Variants in NELL1 observed in about 807,000 individuals in gnomAD.
The protein encoded by NELL1 is neural EGFL like 1.
NELL1 carries 76 observed loss-of-function variants against 107.4 expected under a neutral mutation model. That is an observed-to-expected ratio of 0.71 (90% CI 0.59 to 0.86). The LOEUF (loss-of-function observed/expected upper bound fraction) is 0.86, where lower values mean the gene tolerates loss of function less well. Ranked by LOEUF, NELL1 falls within the 40% of genes least tolerant of loss-of-function variation. NELL1 has a pLI of 0.00. For synonymous variants in NELL1, 353 were observed against 341.2 expected, an observed-to-expected ratio of 1.03 and a Z score of -0.38; for missense variants, 1,024 against 1,005.5, an observed-to-expected ratio of 1.02 and a Z score of -0.25.
intron 2 of NELL1, among the ~76,000 whole-genome samples, chr11:20,717,355 C>T (rs186165802): frequency 6.3e-4 from 96 of 152,288 alleles, no homozygotes; most frequent in African/African-American, 2.2e-3. Context: ...GTCATGCTGG[C>T]CACATTTTGG....
chr11:21,056,521 G>A (rs1011593226), intron 12 of NELL1, among the ~76,000 whole-genome samples: 1 of 152,122 alleles, frequency 6.6e-6, no homozygotes, highest in South Asian at 2.1e-4. Context: ...AAATTTCAGG[G>A]AACATTTTAG....
intron 16 of NELL1, among the ~76,000 whole-genome samples, chr11:21,553,615 C>T (rs1453690980): frequency 1.3e-5 from 2 of 151,698 alleles, no homozygotes; most frequent in East Asian, 2.0e-4. Flanking sequence ...AAAGAGAAGC[C>T]TGGGGCCATC....
At chr11:21,435,455 T>A (rs1207712872) in intron 15 of NELL1, among the ~76,000 whole-genome samples, 2 of 144,866 alleles carry the variant, frequency 1.4e-5, no homozygotes, top group Non-Finnish European at 3.0e-5. Flanking sequence ...GTTTTTTTTT[T>A]ACCATGAAGA....
intron 12 of NELL1, 99 bp from the exon 13 acceptor site, chr11:21,113,490 T>G (rs1375462192): frequency 4.0e-6 from 5 of 1,252,798 alleles, no homozygotes; most frequent in Non-Finnish European, 5.6e-6. Flanking sequence ...TTCTCTTGGC[T>G]TCTATGGACA....
intron 17 of NELL1, among the ~76,000 whole-genome samples, chr11:21,560,742 T>A (rs1351030500): frequency 6.6e-6 from 1 of 152,138 alleles, no homozygotes; most frequent in African/African-American, 2.4e-5. Flanking sequence ...TGATTAAAAC[T>A]ACTCTTTGCC....
intron 15 of NELL1, among the ~76,000 whole-genome samples, chr11:21,419,526 T>C (rs1048999161): frequency 2.0e-5 from 3 of 152,136 alleles, no homozygotes; most frequent in Admixed American, 1.3e-4. Flanking sequence ...ACAGCAACTG[T>C]TGTCATCAAC....
chr11:21,271,882 A>G (rs1185251517), intron 14 of NELL1, among the ~76,000 whole-genome samples: 1 of 152,236 alleles, frequency 6.6e-6, no homozygotes, highest in Non-Finnish European at 1.5e-5. Flanking sequence ...GAAAAATCAC[A>G]TGATCATAAC....
intron 12 of NELL1, among the ~76,000 whole-genome samples, chr11:20,980,284 T>C (rs1193537656): frequency 6.6e-6 from 1 of 152,134 alleles, no homozygotes; most frequent in Non-Finnish European, 1.5e-5. Flanking sequence ...TATTTAATGG[T>C]CATAGGGGAC....
intron 14 of NELL1, among the ~76,000 whole-genome samples, chr11:21,287,748 AT>A (rs1230656919): frequency 6.7e-6 from 1 of 150,036 alleles, no homozygotes; most frequent in Non-Finnish European, 1.5e-5. Context: ...CCCTCTTCCC[AT>A]TTTTTGCTGA....
intron 14 of NELL1, among the ~76,000 whole-genome samples, chr11:21,268,015 C>G (rs1199771371): frequency 1.3e-5 from 2 of 151,708 alleles, no homozygotes; most frequent in Non-Finnish European, 3.0e-5. Context: ...ATTTAGCCAT[C>G]CTTTGTCTTT....
At chr11:21,510,485 G>A (rs962954097) in intron 15 of NELL1, among the ~76,000 whole-genome samples, 2 of 152,174 alleles carry the variant, frequency 1.3e-5, no homozygotes, top group East Asian at 1.9e-4. Flanking sequence ...TGCATTCTCC[G>A]GTTGGGCTGA....
At chr11:21,363,545 C>T (rs1017166565) in intron 14 of NELL1, among the ~76,000 whole-genome samples, 12 of 152,232 alleles carry the variant, frequency 7.9e-5, no homozygotes, top group Admixed American at 2.0e-4. Flanking sequence ...AACAAAAGAT[C>T]ATGGTGTGAG....
At chr11:21,294,945 C>T (rs201363434) in intron 14 of NELL1, among the ~76,000 whole-genome samples, 1 of 152,066 alleles carries the variant, frequency 6.6e-6, no homozygotes, top group Non-Finnish European at 1.5e-5. Context: ...TCAGTTGCCT[C>T]AATCTCACAA....
At chr11:21,196,221 C>A (rs1857148270) in intron 13 of NELL1, among the ~76,000 whole-genome samples, 1 of 152,120 alleles carries the variant, frequency 6.6e-6, no homozygotes, top group African/African-American at 2.4e-5. Flanking sequence ...ACTTGCTGAG[C>A]ATGTGCTGTG....
chr11:21,421,417 A>T (rs563068009), intron 15 of NELL1, among the ~76,000 whole-genome samples: 3 of 152,098 alleles, frequency 2.0e-5, no homozygotes, highest in African/African-American at 7.2e-5. Flanking sequence ...TGGCACATGC[A>T]TGTGTTCCTG....
rs1046219429 is a variant in NELL1, at chr11:20,825,845, C to T, written c.336-21738C>T. Among the ~76,000 whole-genome samples, 2 of 150,962 alleles carry T rather than the reference C, an allele frequency of 1.3e-5. 1 individual carries two copies. Among genetic ancestry groups the T allele is most frequent in the Non-Finnish European group, 3.0e-5 (2 of 67,406 alleles). ...AAACACATTTCAAACCTGGGAGGGG[C>T]CAGGGGTGGAATGATATGGTCCGGC... On this transcript the variant is annotated intron_variant, in intron 3 of 19. Transcript: ENST00000357134.
rs1027084078 is a variant in NELL1 at position 20,791,173 on chromosome 11, T to C, written c.335+7343T>C. Among the ~76,000 whole-genome samples, 81 of 152,298 alleles carry C rather than the reference T, an allele frequency of 5.3e-4. 1 individual carries two copies. The highest frequency in any genetic ancestry group is 1.8e-3 in the African/African-American group (76 of 41,560). ...TGTAGGTCGTCAGTCTGAGGAAGCA[T>C]TGCCATCAAAACAATGTCAAATAAT... On this transcript the variant is annotated intron_variant, in intron 3 of 19. Coordinates refer to ENST00000357134, the MANE Select transcript of NELL1 (RefSeq NM_006157.5).
At chr11:20,969,174 T>C (rs1002689194) in intron 12 of NELL1, among the ~76,000 whole-genome samples, 2 of 152,168 alleles carry the variant, frequency 1.3e-5, no homozygotes, top group East Asian at 3.9e-4. Flanking sequence ...CTTTTCACTT[T>C]CCTGTTGTAT....
At chr11:20,976,448 CT>C (rs1335119529) in intron 12 of NELL1, among the ~76,000 whole-genome samples, 1 of 152,078 alleles carries the variant, frequency 6.6e-6, no homozygotes, top group African/African-American at 2.4e-5. Context: ...TTGAATGCCT[CT>C]TGTTGAAAAT....
Sources: allele counts gnomAD v4.1 joint callset (sites outside exome capture counted in the v4.1 genomes callset), GRCh38; gene constraint gnomAD v4.1.1; transcripts MANE v1.5; gene names NCBI Gene and HGNC (gene_info 2026-07-23, HGNC 2026-07-21).